IL19: variants seen among roughly 807,000 people sequenced by gnomAD.
IL19 encodes interleukin-19.
In IL19, 15 loss-of-function variants were observed where a neutral mutation model predicts 19.5. The observed-to-expected ratio is 0.77, with a 90% CI of 0.52 to 1.19. IL19 has a LOEUF of 1.19. Ranked by LOEUF, IL19 falls within the 50% of genes most tolerant of loss-of-function variation. The probability of loss-of-function intolerance (pLI) is 0.00; values close to 1 mark genes in which losing one functional copy is unlikely to be tolerated. For missense variants in IL19, 199 were observed against 213.1 expected (o/e 0.93, Z 0.41); for synonymous variants, 78 against 78.3 (o/e 1.00, Z 0.02).
At chr1:206,789,242 A>C (rs149323957) in intron 1 of IL19, among the ~76,000 whole-genome samples, 13 of 152,318 alleles carry the variant, frequency 8.5e-5, no homozygotes, top group African/African-American at 2.6e-4. Flanking sequence ...AGATGCTCTG[A>C]CCATTAGGGT....
chr1:206,822,131 A>C (rs1357916359), intron 2 of IL19, among the ~76,000 whole-genome samples: 1 of 152,180 alleles, frequency 6.6e-6, no homozygotes, highest in Admixed American at 6.5e-5. Flanking sequence ...ATTCTGGGCA[A>C]GGGGGAAAGG....
intron 2 of IL19, among the ~76,000 whole-genome samples, chr1:206,826,514 T>C (rs1676437283): frequency 6.6e-6 from 1 of 152,144 alleles, no homozygotes; most frequent in Admixed American, 6.6e-5. Flanking sequence ...CGCTTTAGTA[T>C]TTCAGATGAG....
At chr1:206,822,630 T>C (rs1225954847) in intron 2 of IL19, among the ~76,000 whole-genome samples, 3 of 152,214 alleles carry the variant, frequency 2.0e-5, no homozygotes, top group Admixed American at 2.0e-4. Context: ...AAGGATTAAA[T>C]AAATTAATAT....
intron 1 of IL19, among the ~76,000 whole-genome samples, chr1:206,798,349 T>A (rs1237073185): frequency 6.6e-6 from 1 of 152,038 alleles, no homozygotes; most frequent in Non-Finnish European, 1.5e-5. Flanking sequence ...GCAAGGGAAG[T>A]GGTGCTGTTG....
intron 2 of IL19, among the ~76,000 whole-genome samples, chr1:206,829,403 G>A (rs993639060): frequency 1.3e-5 from 2 of 152,128 alleles, no homozygotes; most frequent in Non-Finnish European, 2.9e-5. Flanking sequence ...AAGGAAGAGG[G>A]GAGAAGTTTC....
At chr1:206,781,686 T>C (rs540112502) in intron 1 of IL19, among the ~76,000 whole-genome samples, 27 of 150,918 alleles carry the variant, frequency 1.8e-4, no homozygotes, top group Admixed American at 5.9e-4. Context: ...TCTTAGCTCA[T>C]AGACTAAGGG....
chr1:206,787,491 T>G (rs958011655), intron 1 of IL19, among the ~76,000 whole-genome samples: 2 of 152,206 alleles, frequency 1.3e-5, no homozygotes, highest in East Asian at 3.8e-4. Context: ...GGTGTGAATA[T>G]TTTGCTCATT....
At chr1:206,803,097 T>A (rs1256250434) in intron 2 of IL19, among the ~76,000 whole-genome samples, 2 of 152,194 alleles carry the variant, frequency 1.3e-5, no homozygotes, top group Non-Finnish European at 2.9e-5. Flanking sequence ...AAAGGTGGAT[T>A]TTCTGGCCTC....
chr1:206,782,965 A>G (rs909197721), intron 1 of IL19, among the ~76,000 whole-genome samples: 5 of 152,194 alleles, frequency 3.3e-5, no homozygotes, highest in African/African-American at 9.7e-5. Flanking sequence ...AAAAACAGAC[A>G]TTTCCTAGCC....
intron 2 of IL19, chr1:206,834,034 G>A (rs540222294): frequency 8.1e-6 from 8 of 985,338 alleles, no homozygotes; most frequent in African/African-American, 5.2e-5. Flanking sequence ...ACTTGGTAAC[G>A]TGCCACAGCT....
At chr1:206,782,075 T>A (rs1006017795) in intron 1 of IL19, among the ~76,000 whole-genome samples, 2 of 147,100 alleles carry the variant, frequency 1.4e-5, no homozygotes, top group African/African-American at 5.0e-5. Context: ...GTGTAAACAT[T>A]TATCATATTA....
chr1:206,842,539 G>C lies in IL19; in HGVS notation c.451G>C (p.Ala151Pro), dbSNP rs375976152. Reference protein sequence around the residue: ...HDNYDQLEVHAAAIKSLGELD... With the variant: ...HDNYDQLEVHPAAIKSLGELD... ...TCTCTGATTTCAGCTGGAGGTCCAC[G>C]CTGCTGCCATTAAATCCCTGGGAGA... is the stretch of plus-strand genomic sequence containing the variant. The change falls in exon 7 of 7, where the codon GCT becomes CCT. Residue 151 changes from alanine to proline, a missense_variant. Ala to Pro is a conservative substitution (Grantham distance 27). Transcript: ENST00000659997. 1 of 1,565,910 alleles carries C rather than the reference G, an allele frequency of 6.4e-7. No individual in the cohort carries two copies. The highest frequency in any genetic ancestry group is 8.7e-7 in the Non-Finnish European group (1 of 1,152,924).
chr1:206,841,161 T>G (rs1677004471), intron 6 of IL19, 83 bp downstream of exon 6: 8 of 1,012,338 alleles, frequency 7.9e-6, no homozygotes, highest in Non-Finnish European at 1.3e-5. Context: ...CCTCTCCACT[T>G]AAATTCATGC....
At chr1:206,794,343 T>C (rs1675472134) in intron 1 of IL19, among the ~76,000 whole-genome samples, 1 of 152,208 alleles carries the variant, frequency 6.6e-6, no homozygotes, top group Non-Finnish European at 1.5e-5. Flanking sequence ...TTTCACTCTA[T>C]TTCTGTCTAC....
chr1:206,808,409 G>A (rs1331991624), intron 2 of IL19, among the ~76,000 whole-genome samples: 3 of 152,120 alleles, frequency 2.0e-5, no homozygotes, highest in Admixed American at 1.3e-4. Flanking sequence ...TCTGAGAGTA[G>A]AATTAACCGT....
At chr1:206,817,227 AAG>A (rs1676179733) in intron 2 of IL19, among the ~76,000 whole-genome samples, 1 of 152,190 alleles carries the variant, frequency 6.6e-6, no homozygotes, top group South Asian at 2.1e-4. Flanking sequence ...ATCTAGCATG[AAG>A]AGATAACTGC....
intron 4 of IL19, among the ~76,000 whole-genome samples, chr1:206,838,892 G>A (rs1379391493): frequency 6.6e-6 from 1 of 151,906 alleles, no homozygotes; most frequent in Non-Finnish European, 1.5e-5. Flanking sequence ...GCAGAGGGGT[G>A]TAACATTTTG....
At chr1:206,794,793 G>A (rs1414853813) in intron 1 of IL19, among the ~76,000 whole-genome samples, 1 of 152,148 alleles carries the variant, frequency 6.6e-6, no homozygotes, top group Non-Finnish European at 1.5e-5. Context: ...CACATTTTGT[G>A]ACCTGTACCA....
chr1:206,785,870 G>A (rs1675258697), intron 1 of IL19, among the ~76,000 whole-genome samples: 1 of 152,152 alleles, frequency 6.6e-6, no homozygotes, highest in Admixed American at 6.5e-5. Flanking sequence ...CTACAGAGAT[G>A]TTGCTCCAGT....
Sources: gnomAD v4.1 joint callset for allele counts (sites outside exome capture counted in the v4.1 genomes callset) on GRCh38, gnomAD v4.1.1 for gene constraint, MANE v1.5 for transcripts, NCBI Gene and HGNC (gene_info 2026-07-23, HGNC 2026-07-21) for gene names.